Variants in SLC5A1 observed in about 807,000 individuals in gnomAD.
SLC5A1 encodes the protein solute carrier family 5 member 1, also known as sodium/glucose cotransporter 1.
A neutral mutation model predicts 73.5 loss-of-function variants in SLC5A1; 42 were observed. The observed-to-expected ratio is 0.57, with a 90% CI of 0.45 to 0.74. SLC5A1 has a LOEUF of 0.74. Ranked by LOEUF, SLC5A1 falls within the 30% of genes least tolerant of loss-of-function variation. The probability of loss-of-function intolerance (pLI) is 0.00; values close to 1 mark genes in which losing one functional copy is unlikely to be tolerated. For synonymous variants in SLC5A1, 300 were observed against 317.4 expected (o/e 0.95, Z 0.58); for missense variants, 634 against 855.4 (o/e 0.74, Z 3.23).
chr22:32,086,353 T>C lies in SLC5A1; in HGVS notation c.1129+26T>C, dbSNP rs200598220. ...GTGAGATTCTTTCTTGGGAGGTTGG[T>C]AGAGTCTTTCTTGGGAGGCTGATTG... On this transcript the variant is annotated intron_variant, in intron 10 of 14. Transcript: ENST00000266088. 8.5e-5 allele frequency: 128 copies of C among 1,505,942 alleles called. No homozygotes were observed. The African/African-American group carries it at 1.5e-3, about 18-fold the overall frequency. The allele number at this position is 1,505,942 out of a possible 1,614,324, so 93.3% of individuals were successfully genotyped here. A position where few individuals can be genotyped will look rare whatever the true frequency, so the allele number is the denominator to read the frequency against.
At chr22:32,065,620 A>G (rs1431455190) in intron 2 of SLC5A1, among the ~76,000 whole-genome samples, 2 of 152,176 alleles carry the variant, frequency 1.3e-5, no homozygotes, top group Admixed American at 1.3e-4. Flanking sequence ...TGTCTGTGTT[A>G]TTCACAGCTG....
chr22:32,103,015 T>G (rs2094039160), intron 13 of SLC5A1, among the ~76,000 whole-genome samples: 1 of 152,198 alleles, frequency 6.6e-6, no homozygotes, highest in Non-Finnish European at 1.5e-5. Flanking sequence ...CTACTGTGAA[T>G]AGTGCTGCAG....
In SLC5A1 at chr22:32,051,150, T is replaced by A. The variant is rs566855296; in HGVS notation, c.207+1136T>A. On this transcript the variant is annotated intron_variant, in intron 2 of 14. Transcript: ENST00000266088. ...GTTTGATCACACCTACCAGGACTAC[T>A]GGCAGAGCCAGCTCCATGGGATCAG... 1.1e-4 allele frequency among the ~76,000 whole-genome samples: 16 copies of A among 152,344 alleles called. No homozygotes were observed. In the East Asian group the frequency reaches 3.1e-3, roughly 29 times the overall value.
At chr22:32,062,231 C>A (rs2149486455) in intron 2 of SLC5A1, among the ~76,000 whole-genome samples, 1 of 152,244 alleles carries the variant, frequency 6.6e-6, no homozygotes, top group East Asian at 1.9e-4. Context: ...GGAGGTGTTG[C>A]AAAGGGGACT....
At chr22:32,085,086 A>G in intron 9 of SLC5A1, 51 bp downstream of exon 9, 1 of 1,609,400 alleles carries the variant, frequency 6.2e-7, no homozygotes, top group Non-Finnish European at 8.5e-7. Flanking sequence ...TCTGTCTCCA[A>G]GTCACTTCTA....
intron 9 of SLC5A1, 68 bp downstream of exon 9, chr22:32,085,103 T>C (rs1358306930): frequency 1.3e-6 from 2 of 1,579,718 alleles, no homozygotes; most frequent in East Asian, 2.2e-5. Context: ...TCTAAAGCTC[T>C]ATAGCTTCCC....
intron 14 of SLC5A1, among the ~76,000 whole-genome samples, chr22:32,105,840 G>C (rs1018880313): frequency 6.6e-6 from 1 of 152,114 alleles, no homozygotes; most frequent in Non-Finnish European, 1.5e-5. Flanking sequence ...TGAGATGTTT[G>C]TCTTACTGTG....
chr22:32,090,505 A>G (rs2094015386), intron 10 of SLC5A1, among the ~76,000 whole-genome samples: 1 of 152,166 alleles, frequency 6.6e-6, no homozygotes, highest in East Asian at 1.9e-4. Flanking sequence ...TTGATGAATA[A>G]TATTCCATCA....
chr22:32,044,708 T>C (rs2093934864), intron 1 of SLC5A1, among the ~76,000 whole-genome samples: 1 of 152,152 alleles, frequency 6.6e-6, no homozygotes, highest in South Asian at 2.1e-4. Flanking sequence ...CATGGAACAT[T>C]GGGTAACTTC....
At chr22:32,046,517 A>G (rs920329545) in intron 1 of SLC5A1, among the ~76,000 whole-genome samples, 10 of 152,076 alleles carry the variant, frequency 6.6e-5, no homozygotes, top group East Asian at 1.9e-4. Flanking sequence ...GACAGAGAGG[A>G]TATTCCTTTT....
chr22:32,083,225 C>G, intron 7 of SLC5A1, 71 bp downstream of exon 7: 1 of 1,284,140 alleles, frequency 7.8e-7, no homozygotes, highest in Non-Finnish European at 1.1e-6. Flanking sequence ...GAAGGCAAGT[C>G]CAGCCTCTCT....
chr22:32,043,412 T>C lies in SLC5A1; in HGVS notation c.131T>C (p.Leu44Pro). 2 of 1,613,852 alleles carry C rather than the reference T, an allele frequency of 1.2e-6. No homozygotes were observed. The highest frequency in any genetic ancestry group is 1.7e-6 in the Non-Finnish European group (2 of 1,179,914). Reference sequence around the variant, plus strand: ...TTCGTGGTAGTGATGGCCGTCGGACTGTGGGTATGCAGCGGGTTCTGGGAT... The same window carrying C: ...TTCGTGGTAGTGATGGCCGTCGGACCGTGGGTATGCAGCGGGTTCTGGGAT... ...IYFVVVMAVG[L>P]WAMFSTNRGT... is the part of the protein sequence containing the mutation. The change falls in exon 1 of 15, where the codon CTG (leucine) becomes CCG (proline). Residue 44 changes from leucine to proline, a missense_variant. Around this residue, in one of 3 missense-constraint regions of SLC5A1, gnomAD observed 422 missense variants for 626.1 expected, o/e 0.67. Transcript: ENST00000266088. This position sits in a 1 kb window ranked among gnomAD's most constrained non-coding sequence, Gnocchi z 6.5.
At chr22:32,052,397 C>T (rs539325863) in intron 2 of SLC5A1, among the ~76,000 whole-genome samples, 114 of 152,206 alleles carry the variant, frequency 7.5e-4, no homozygotes, top group Middle Eastern at 3.4e-3. Flanking sequence ...GGTCAAAGTC[C>T]AGCCACTTAT....
At chr22:32,106,761 A>G (rs1017234790) in intron 14 of SLC5A1, among the ~76,000 whole-genome samples, 1 of 152,186 alleles carries the variant, frequency 6.6e-6, no homozygotes, top group Non-Finnish European at 1.5e-5. Context: ...TATGTGGGAA[A>G]CGTGCACACG....
At chr22:32,048,143 C>G (rs2093939550) in intron 1 of SLC5A1, among the ~76,000 whole-genome samples, 1 of 141,324 alleles carries the variant, frequency 7.1e-6, no homozygotes, top group Admixed American at 7.2e-5. Flanking sequence ...CAGAATGAGA[C>G]TCCATGTAAA....
At chr22:32,073,858 C>T (rs1330445921) in intron 5 of SLC5A1, among the ~76,000 whole-genome samples, 12 of 152,080 alleles carry the variant, frequency 7.9e-5, no homozygotes, top group Admixed American at 7.2e-4. Flanking sequence ...TGCGCCCGGC[C>T]CCCGGGTTGG....
intron 1 of SLC5A1, among the ~76,000 whole-genome samples, chr22:32,044,918 T>C (rs953089399): frequency 6.6e-6 from 1 of 152,134 alleles, no homozygotes; most frequent in African/African-American, 2.4e-5. Context: ...TTAAGTAAAA[T>C]GGGCAGCAGT....
At chr22:32,086,613 C>G (rs1372193286) in intron 10 of SLC5A1, among the ~76,000 whole-genome samples, 3 of 152,142 alleles carry the variant, frequency 2.0e-5, no homozygotes, top group Non-Finnish European at 4.4e-5. Flanking sequence ...ACTTTCCATA[C>G]TCATACAGAA....
At chr22:32,070,009 G>A (rs1415311806) in intron 5 of SLC5A1, among the ~76,000 whole-genome samples, 1 of 151,998 alleles carries the variant, frequency 6.6e-6, no homozygotes, top group African/African-American at 2.4e-5. Flanking sequence ...CTAACTCTCT[G>A]GGGGATGTTT....
Sources: allele counts gnomAD v4.1 joint callset (sites outside exome capture counted in the v4.1 genomes callset), GRCh38; gene constraint gnomAD v4.1.1; regional missense constraint gnomAD v4.1.1; non-coding constraint Gnocchi (gnomAD v3.1); transcripts MANE v1.5; gene names NCBI Gene and HGNC (gene_info 2026-07-23, HGNC 2026-07-21).